The following ZNF423 variants were observed in gnomAD, a reference collection of about 807,000 sequenced individuals.
ZNF423 encodes the protein Ebf-associated zinc finger protein.
ZNF423 carries 12 observed loss-of-function variants against 95.8 expected under a neutral mutation model. The ratio of observed to expected loss-of-function variants is 0.13; its 90% CI spans 0.08 to 0.20. The LOEUF is 0.20. Among genes scored for constraint, ZNF423 ranks in the 10% least tolerant of loss-of-function variants. The pLI, the probability that ZNF423 is intolerant of heterozygous loss-of-function variation, is 1.00. For synonymous variants in ZNF423, 749 were observed against 711.9 expected, an observed-to-expected ratio of 1.05 and a Z score of -0.83; for missense variants, 1,316 against 1,737.1, an observed-to-expected ratio of 0.76 and a Z score of 4.31.
intron 7 of ZNF423, chr16:49,518,046 G>A (rs148480662): frequency 2.0e-4 from 91 of 451,742 alleles, no homozygotes; most frequent in African/African-American, 1.6e-3. Flanking sequence ...TGATATTGGC[G>A]GCTCACAATC....
chr16:49,831,307 ATTTT>A (rs1021554209), intron 1 of ZNF423, among the ~76,000 whole-genome samples: 3 of 152,066 alleles, frequency 2.0e-5, no homozygotes, highest in Non-Finnish European at 4.4e-5. Flanking sequence ...CTCTTTACTT[ATTTT>A]ATCTTTGTCT....
chr16:49,686,560 G>A (rs572397486), intron 3 of ZNF423, among the ~76,000 whole-genome samples: 1 of 152,204 alleles, frequency 6.6e-6, no homozygotes, highest in East Asian at 1.9e-4. Flanking sequence ...TCCCCTGTCA[G>A]TGCCCTCCCA....
chr16:49,517,714 G>A (rs1472673795), intron 7 of ZNF423: 1 of 240,278 alleles, frequency 4.2e-6, no homozygotes, highest in Non-Finnish European at 8.3e-6. Flanking sequence ...CCAGTTAATG[G>A]TGAGTTTCTT....
At chr16:49,641,912 C>T (rs1861658) in intron 3 of ZNF423, among the ~76,000 whole-genome samples, 2,791 of 152,306 alleles carry the variant, frequency 0.018, 102 homozygotes, top group African/African-American at 0.063. Flanking sequence ...TGGTCTAAAA[C>T]TAGACTGTGG....
chr16:49,597,417 A>G (rs944348203), intron 5 of ZNF423, among the ~76,000 whole-genome samples: 12 of 152,236 alleles, frequency 7.9e-5, no homozygotes, highest in African/African-American at 2.9e-4. Flanking sequence ...AAAGAATGTT[A>G]AAAAAGTCTC....
At chr16:49,846,106 A>C (rs1053827935) in intron 1 of ZNF423, among the ~76,000 whole-genome samples, 3 of 152,086 alleles carry the variant, frequency 2.0e-5, no homozygotes, top group African/African-American at 4.8e-5. Flanking sequence ...GTTCGAGACC[A>C]GCCTGGCCAA....
intron 3 of ZNF423, among the ~76,000 whole-genome samples, chr16:49,720,590 A>G (rs968080716): frequency 5.3e-5 from 8 of 152,210 alleles, no homozygotes; most frequent in Non-Finnish European, 1.2e-4. Flanking sequence ...ATTCAAACCA[A>G]AAAAGGTTTG....
intron 1 of ZNF423, among the ~76,000 whole-genome samples, chr16:49,794,500 C>A (rs1489276446): frequency 6.6e-6 from 1 of 152,220 alleles, no homozygotes; most frequent in Non-Finnish European, 1.5e-5. Flanking sequence ...ATACGGCCCC[C>A]CACACAAGCT....
intron 5 of ZNF423, among the ~76,000 whole-genome samples, chr16:49,576,871 C>T (rs1294773957): frequency 6.6e-6 from 1 of 152,172 alleles, no homozygotes; most frequent in Non-Finnish European, 1.5e-5. Context: ...AAGTGAAAGG[C>T]CTTTACCTTT....
chr16:49,691,547 A>G (rs2031782053), intron 3 of ZNF423, among the ~76,000 whole-genome samples: 1 of 152,136 alleles, frequency 6.6e-6, no homozygotes, highest in South Asian at 2.1e-4. Context: ...CCTGGGTAAC[A>G]TGGTGAAACC....
intron 2 of ZNF423, among the ~76,000 whole-genome samples, chr16:49,758,783 T>C (rs965941657): frequency 6.6e-6 from 1 of 152,144 alleles, no homozygotes; most frequent in African/African-American, 2.4e-5. Flanking sequence ...TACTCCCTCA[T>C]GTTCCTTAAA....
intron 5 of ZNF423, among the ~76,000 whole-genome samples, chr16:49,592,537 G>T (rs1011407089): frequency 2.0e-5 from 3 of 152,260 alleles, no homozygotes; most frequent in Admixed American, 2.0e-4. Context: ...TTTTGCAGAA[G>T]TCACTTGCAG....
At chr16:49,819,276 T>A (rs1244666232) in intron 1 of ZNF423, among the ~76,000 whole-genome samples, 1 of 144,996 alleles carries the variant, frequency 6.9e-6, no homozygotes, top group Non-Finnish European at 1.5e-5. Flanking sequence ...AAAATGGCAG[T>A]TCCTCAGTCC....
chr16:49,552,410 C>T (rs950830709), intron 5 of ZNF423, among the ~76,000 whole-genome samples: 2 of 152,162 alleles, frequency 1.3e-5, no homozygotes, highest in African/African-American at 4.8e-5. Flanking sequence ...GAGCAATTTT[C>T]CTGGTGAGAA....
rs796834568 is a variant in ZNF423, at chr16:49,492,472, A to AGGCCGG, written c.3850-1174_3850-1169dup. ...TGCCAGTAGCCTCGCCCGGAGGCCGAGGCCGGGGCCGGGGCCGGGGCCGGG... is the reference window on the plus strand; with the variant it reads ...TGCCAGTAGCCTCGCCCGGAGGCCGAGGCCGGGGCCGGGGCCGGGGCCGGGGCCGGG... On this transcript the variant is annotated intron_variant, in intron 7 of 7. Coordinates refer to ENST00000563137, the MANE Select transcript of ZNF423 (RefSeq NM_001379286.1). The surrounding 1 kb of genome is among the most constrained non-coding windows in gnomAD (Gnocchi z 4.2). Among the ~76,000 whole-genome samples, 99 of 152,098 alleles carry AGGCCGG rather than the reference A, an allele frequency of 6.5e-4. No homozygotes were observed. The highest frequency in any genetic ancestry group is 1.3e-3 in the African/African-American group (55 of 41,494).
intron 3 of ZNF423, among the ~76,000 whole-genome samples, chr16:49,660,796 C>T (rs993828532): frequency 4.1e-5 from 6 of 144,958 alleles, no homozygotes; most frequent in African/African-American, 1.5e-4. Context: ...AGAGAAATGA[C>T]ATTAAAACAA....
chr16:49,778,617 T>G (rs1050284065), intron 2 of ZNF423, among the ~76,000 whole-genome samples: 1 of 145,580 alleles, frequency 6.9e-6, no homozygotes, highest in African/African-American at 2.5e-5. Context: ...CCCTACAGAC[T>G]CAGTTCCACC....
chr16:49,853,152 T>C (rs2035320163), intron 1 of ZNF423, among the ~76,000 whole-genome samples: 1 of 151,974 alleles, frequency 6.6e-6, no homozygotes, highest in South Asian at 2.1e-4. Context: ...CAAAATAAAA[T>C]AAAATAAAAT....
At position 49,491,323 on chromosome 16, in the gene ZNF423, G is replaced by A; in HGVS notation, c.3850-19C>T. The A allele has an allele frequency of 6.2e-7, 1 of 1,613,948 alleles. No homozygotes were observed. Reference sequence around the variant, plus strand: ...TGTGGTTCTGCAAAGGCGAAGAAAGGAGACACACATGAAGGAGAAGAATGG... The same window carrying A: ...TGTGGTTCTGCAAAGGCGAAGAAAGAAGACACACATGAAGGAGAAGAATGG... On this transcript the variant is annotated intron_variant, in intron 7 of 7. Transcript: ENST00000563137.
Sources: gnomAD v4.1 joint callset for allele counts (sites outside exome capture counted in the v4.1 genomes callset) on GRCh38, gnomAD v4.1.1 for gene constraint, Gnocchi (gnomAD v3.1) non-coding constraint, MANE v1.5 for transcripts, NCBI Gene and HGNC (gene_info 2026-07-23, HGNC 2026-07-21) for gene names.